KIF13B: variants seen among roughly 807,000 people sequenced by gnomAD.
KIF13B encodes the protein kinesin-like protein KIF13B.
KIF13B carries 127 observed loss-of-function variants against 222.0 expected under a neutral mutation model. That is an observed-to-expected ratio of 0.57 (90% CI 0.50 to 0.66). KIF13B has a LOEUF of 0.66. KIF13B is among the 30% of genes least tolerant of loss of function. KIF13B has a pLI of 0.00. For missense variants in KIF13B, 2,173 were observed against 2,379.0 expected (o/e 0.91, Z 1.80); for synonymous variants, 976 against 919.0 (o/e 1.06, Z -1.12).
At chr8:29,163,754 G>A (rs1347019574) in intron 12 of KIF13B, among the ~76,000 whole-genome samples, 2 of 152,084 alleles carry the variant, frequency 1.3e-5, no homozygotes, top group Non-Finnish European at 2.9e-5. Flanking sequence ...CCCCCAGAAG[G>A]GACCCCTGAG....
At chr8:29,175,362 T>C (rs1485703766) in intron 10 of KIF13B, among the ~76,000 whole-genome samples, 6 of 152,210 alleles carry the variant, frequency 3.9e-5, no homozygotes, top group Non-Finnish European at 5.9e-5. Context: ...CACAAACTCA[T>C]GTTCTAATAT....
At chr8:29,163,643 G>C (rs1167437786) in intron 12 of KIF13B, among the ~76,000 whole-genome samples, 1 of 152,178 alleles carries the variant, frequency 6.6e-6, no homozygotes, top group Non-Finnish European at 1.5e-5. Flanking sequence ...CAAGAGACCA[G>C]GTTTCTTCAA....
intron 15 of KIF13B, among the ~76,000 whole-genome samples, chr8:29,149,659 C>T (rs982263484): frequency 6.6e-6 from 1 of 152,158 alleles, no homozygotes; most frequent in Non-Finnish European, 1.5e-5. Flanking sequence ...AGGGCTAGTG[C>T]AGCTATGGTT....
chr8:29,155,902 T>C, intron 13 of KIF13B, 46 bp from the exon 14 acceptor site: 1 of 1,433,306 alleles, frequency 7.0e-7, no homozygotes, highest in Non-Finnish European at 9.6e-7. Context: ...TTCTTACATA[T>C]ACACAATTGA....
chr8:29,222,954 T>G (rs543990890), intron 2 of KIF13B, among the ~76,000 whole-genome samples: 20 of 152,202 alleles, frequency 1.3e-4, no homozygotes, highest in Non-Finnish European at 2.5e-4. Context: ...ATTTGTTATG[T>G]GATCTAACAA....
At chr8:29,244,295 C>G (rs369391621) in intron 2 of KIF13B, among the ~76,000 whole-genome samples, 20 of 152,112 alleles carry the variant, frequency 1.3e-4, no homozygotes, top group Admixed American at 2.0e-4. Flanking sequence ...TTACAGGCGT[C>G]AGCCACTGCG....
Position 29,113,458 on chromosome 8 carries a change from T to G in KIF13B, c.3930+5A>C, listed in dbSNP as rs758140951. 9 of 1,529,312 alleles carry G rather than the reference T, an allele frequency of 5.9e-6. No homozygotes were observed. In the East Asian group the frequency reaches 2.1e-4, roughly 36 times the overall value. 94.7% of individuals were successfully genotyped at this position (1,529,312 alleles called of 1,614,324 possible). A position where few individuals can be genotyped will look rare whatever the true frequency, so the allele number is the denominator to read the frequency against. On this transcript the variant is annotated splice_donor_5th_base_variant and intron_variant, in intron 32 of 39. Coordinates refer to ENST00000524189, the MANE Select transcript of KIF13B (RefSeq NM_015254.4). ...TTTAGTAAATTTAAATTGTATATCC[T>G]TCACCTCTGGAATATTGGAGACAAT...
chr8:29,242,631 A>C (rs996213129), intron 2 of KIF13B, among the ~76,000 whole-genome samples: 2 of 152,256 alleles, frequency 1.3e-5, no homozygotes, highest in African/African-American at 4.8e-5. Flanking sequence ...TATCCAGGAT[A>C]ATACACAGAA....
Position 29,177,497 on chromosome 8 carries a change from C to A in KIF13B, c.802G>T (p.Asp268Tyr). ...ERATKTGAAG[D>Y]RLKEGSNINK... ...ATGTTGCTCCCTTCCTTCAGCCTGT[C>A]CCCTGCAGCGCCTGTCTTCGTTGCT... Residue 268 changes from aspartate (D) to tyrosine (Y), a missense_variant, in exon 9 of 40, where the codon GAC (aspartate) becomes TAC (tyrosine). Around this residue, in one of 2 missense-constraint regions of KIF13B, gnomAD observed 1,480 missense variants for 1,722.8 expected, o/e 0.86. Transcript: ENST00000524189. 1 of 1,613,514 alleles carries A rather than the reference C, an allele frequency of 6.2e-7. No individual in the cohort carries two copies. Among genetic ancestry groups the A allele is most frequent in the Non-Finnish European group, 8.5e-7 (1 of 1,179,450 alleles).
At chr8:29,076,794 G>A (rs552230688) in intron 37 of KIF13B, among the ~76,000 whole-genome samples, 15 of 152,264 alleles carry the variant, frequency 9.9e-5, no homozygotes, top group Admixed American at 9.2e-4. Context: ...GAGAGGAAAC[G>A]CAGCGATCAG....
intron 37 of KIF13B, among the ~76,000 whole-genome samples, chr8:29,090,742 C>T (rs891452710): frequency 2.0e-5 from 3 of 152,182 alleles, no homozygotes; most frequent in African/African-American, 7.2e-5. Context: ...CAGAGTCTCA[C>T]TCTGTCACCC....
At chr8:29,072,412 G>A in intron 38 of KIF13B, 96 bp from the exon 39 acceptor site, 1 of 793,536 alleles carries the variant, frequency 1.3e-6, no homozygotes, top group East Asian at 3.4e-5. Context: ...TGAGGCCAGG[G>A]GCAGTGGCTC....
Position 29,155,805 on chromosome 8 carries a change from T to C in KIF13B, c.1456A>G (p.Met486Val). The C allele has an allele frequency of 1.3e-6, 2 of 1,593,166 alleles. No homozygotes were observed. Among genetic ancestry groups the C allele is most frequent in the Non-Finnish European group, 1.7e-6 (2 of 1,168,390 alleles). ...ATACAGTGTTCAGGAAGAATTCCCA[T>C]GCCGCACAGTTGGATATCTTGGGAA... ...ANSQDIQLCG[M>V]GILPEHCIID... Residue 486 changes from methionine to valine, a missense_variant, in exon 14 of 40, where the codon ATG (methionine) becomes GTG (valine). Physicochemically the swap from Met to Val is conservative, Grantham distance 21 (BLOSUM62 1). Transcript: ENST00000524189.
intron 1 of KIF13B, among the ~76,000 whole-genome samples, chr8:29,254,651 A>T (rs980076158): frequency 6.6e-6 from 1 of 152,240 alleles, no homozygotes; most frequent in African/African-American, 2.4e-5. Flanking sequence ...GAGAGACAAG[A>T]ACAAGTGTTG....
rs116906975 is a variant in KIF13B at position 29,258,072 on chromosome 8, T to A, written c.55+4908A>T. ...TAGCAAATACTGCCAGAAATTTCCA[T>A]CCACGGTCCTCCTTGGCTCCACATC... On this transcript the variant is annotated intron_variant, in intron 1 of 39. Coordinates refer to ENST00000524189, the MANE Select transcript of KIF13B (RefSeq NM_015254.4). Among the ~76,000 whole-genome samples the A allele has an allele frequency of 7.9e-5, 12 of 152,274 alleles. No individual in the cohort carries two copies. The East Asian group carries it at 2.1e-3, about 27-fold the overall frequency.
In KIF13B at chr8:29,070,899, G is replaced by A; in HGVS notation, c.5219-133C>T. On this transcript the variant is annotated intron_variant, in intron 39 of 39. Transcript: ENST00000524189. The surrounding 1 kb of genome is among the most constrained non-coding windows in gnomAD (Gnocchi z 4.1). ...ACAGGCCCTACACAGCCAGCACTCG[G>A]ACACTGGCCATTGTCTGGCAGGGAC... 1.0e-6 allele frequency: 1 copy of A among 980,508 alleles called. No individual in the cohort carries two copies. Among genetic ancestry groups the A allele is most frequent in the Non-Finnish European group, 1.5e-6 (1 of 661,760 alleles). The allele number at this position is 980,508 out of a possible 1,614,324, so 60.7% of individuals were successfully genotyped here.
intron 2 of KIF13B, among the ~76,000 whole-genome samples, chr8:29,206,311 C>G (rs530121976): frequency 2.6e-5 from 4 of 152,296 alleles, no homozygotes; most frequent in African/African-American, 7.2e-5. Context: ...GCATGGCACA[C>G]GTATGCTGAC....
chr8:29,151,630 C>T (rs1326864255), intron 14 of KIF13B, among the ~76,000 whole-genome samples: 1 of 152,184 alleles, frequency 6.6e-6, no homozygotes, highest in Non-Finnish European at 1.5e-5. Flanking sequence ...GCCTGGATGA[C>T]AGTACGTCTG....
intron 37 of KIF13B, among the ~76,000 whole-genome samples, chr8:29,087,873 G>C (rs1049818676): frequency 6.6e-5 from 10 of 151,818 alleles, no homozygotes; most frequent in Non-Finnish European, 1.2e-4. Context: ...CTGCACTCCA[G>C]CCTGGGCAAC....
Sources: gnomAD v4.1 joint callset for allele counts (sites outside exome capture counted in the v4.1 genomes callset) on GRCh38, gnomAD v4.1.1 for gene constraint, gnomAD v4.1.1 regional missense constraint, Gnocchi (gnomAD v3.1) non-coding constraint, MANE v1.5 for transcripts, NCBI Gene and HGNC (gene_info 2026-07-23, HGNC 2026-07-21) for gene names.